Variants in KIF5C observed in about 807,000 individuals in gnomAD.
KIF5C encodes the protein kinesin family member 5C, also known as kinesin heavy chain isoform 5C.
KIF5C carries 18 observed loss-of-function variants against 125.2 expected under a neutral mutation model. That is an observed-to-expected ratio of 0.14 (90% CI 0.10 to 0.21). KIF5C has a LOEUF of 0.21. Among genes scored for constraint, KIF5C ranks in the 10% least tolerant of loss-of-function variants. KIF5C has a pLI of 1.00. For synonymous variants in KIF5C, 405 were observed against 434.0 expected (o/e 0.93, Z 0.83); for missense variants, 780 against 1,183.8 (o/e 0.66, Z 5.01).
intron 12 of KIF5C, among the ~76,000 whole-genome samples, chr2:148,978,350 T>TG (rs1553468518): frequency 6.7e-6 from 1 of 148,512 alleles, no homozygotes; most frequent in Non-Finnish European, 1.5e-5. Context: ...TTTTTTTTTT[T>TG]TTTTTTTTTT....
intron 3 of KIF5C, among the ~76,000 whole-genome samples, chr2:148,936,314 G>T (rs963528796): frequency 2.6e-5 from 4 of 152,126 alleles, no homozygotes; most frequent in African/African-American, 9.7e-5. Flanking sequence ...AAAAAATCTG[G>T]AAAATCTCTG....
In KIF5C at chr2:148,875,738, A is replaced by T; in HGVS notation, c.121A>T (p.Ile41Phe). 1 of 1,604,746 alleles carries T rather than the reference A, an allele frequency of 6.2e-7. No homozygotes were observed. The highest frequency in any genetic ancestry group is 1.1e-5 in the South Asian group (1 of 88,778). Residue 41 changes from isoleucine (I) to phenylalanine (F), a missense_variant, in exon 1 of 26, where the codon ATC becomes TTC. By Grantham distance (21) the Ile-to-Phe change is conservative. Transcript: ENST00000435030. ...PKFKGDETVV[I>F]GQGKPYVFDR... ...ATTTAAAGGCGATGAGACCGTGGTGATCGGGGTAAGTGGCTGGGGCGTCTG... is the reference window on the plus strand; with the variant it reads ...ATTTAAAGGCGATGAGACCGTGGTGTTCGGGGTAAGTGGCTGGGGCGTCTG...
At chr2:148,970,758 G>T (rs184396576) in intron 11 of KIF5C, among the ~76,000 whole-genome samples, 1 of 152,288 alleles carries the variant, frequency 6.6e-6, no homozygotes, top group East Asian at 1.9e-4. Context: ...GGTTATAGAA[G>T]TCTATCCCCG....
chr2:148,986,413 G>A (rs1681382374), intron 15 of KIF5C, among the ~76,000 whole-genome samples: 1 of 152,110 alleles, frequency 6.6e-6, no homozygotes, highest in Non-Finnish European at 1.5e-5. Context: ...AGCTAAGGGA[G>A]TAGTTGTATG....
At chr2:148,942,129 C>A in intron 6 of KIF5C, 139 bp downstream of exon 6, 1 of 953,014 alleles carries the variant, frequency 1.0e-6, no homozygotes, top group Non-Finnish European at 1.5e-6. Context: ...TAATATTCAT[C>A]TGGTTTTAAA....
chr2:148,993,083 T>C (rs764799765), intron 16 of KIF5C, among the ~76,000 whole-genome samples: 4 of 152,170 alleles, frequency 2.6e-5, no homozygotes, highest in Non-Finnish European at 5.9e-5. Context: ...GAGGAAGAGG[T>C]AGTGCCAGCC....
intron 1 of KIF5C, among the ~76,000 whole-genome samples, chr2:148,908,893 AATGAATCCGTG>A (rs1213042135): frequency 6.6e-6 from 1 of 152,244 alleles, no homozygotes; most frequent in Admixed American, 6.5e-5. Context: ...AATAAGATGG[AATGAATCCGTG>A]ATGTTATCTA....
At chr2:148,898,387 G>A (rs533163154) in intron 1 of KIF5C, among the ~76,000 whole-genome samples, 1 of 152,150 alleles carries the variant, frequency 6.6e-6, no homozygotes, top group South Asian at 2.1e-4. Flanking sequence ...GCAGAATAAT[G>A]GCCCTGAAAG....
At chr2:148,901,593 G>A (rs1301258351) in intron 1 of KIF5C, among the ~76,000 whole-genome samples, 3 of 152,206 alleles carry the variant, frequency 2.0e-5, no homozygotes, top group African/African-American at 4.8e-5. Flanking sequence ...TTTAAACTGA[G>A]ATATAAGATG....
At chr2:148,888,995 C>T (rs1681634643) in intron 1 of KIF5C, among the ~76,000 whole-genome samples, 1 of 152,174 alleles carries the variant, frequency 6.6e-6, no homozygotes, top group Admixed American at 6.5e-5. Context: ...CTTTCCCTTA[C>T]TCTAGGTGAT....
At position 148,949,891 on chromosome 2, in the gene KIF5C, A is replaced by G. The variant is rs1331505548; in HGVS notation, c.767A>G (p.Asn256Ser). The change falls in exon 9 of 26, where the codon AAT becomes AGT. Residue 256 changes from asparagine (N) to serine (S), a missense_variant. Coordinates refer to ENST00000435030, the MANE Select transcript of KIF5C (RefSeq NM_004522.3). ...GTTCTTGACGAAGCTAAAAATATCAATAAGTCTTTGTCTGCTCTTGGAAAT... is the reference window on the plus strand; with the variant it reads ...GTTCTTGACGAAGCTAAAAATATCAGTAAGTCTTTGTCTGCTCTTGGAAAT... ...GAVLDEAKNINKSLSALGNVI... is the reference protein window; with the variant it reads ...GAVLDEAKNISKSLSALGNVI... The G allele has an allele frequency of 1.9e-6, 3 of 1,613,848 alleles. No individual in the cohort carries two copies. The highest frequency in any genetic ancestry group is 2.5e-6 in the Non-Finnish European group (3 of 1,179,840).
At position 148,924,281 on chromosome 2, in the gene KIF5C, G is replaced by GCC. The variant is rs1428853203; in HGVS notation, c.217+2056_217+2057dup. Among the ~76,000 whole-genome samples, 4 of 152,118 alleles carry GCC rather than the reference G, an allele frequency of 2.6e-5. No homozygotes were observed. Among genetic ancestry groups the GCC allele is most frequent in the African/African-American group, 9.7e-5 (4 of 41,416 alleles). Reference sequence around the variant, plus strand: ...CAAGATTGGGAGGCGGTGCTGTGGAGCCCTTTTTTTCTAGAGGCTAATAAT... The same window carrying GCC: ...CAAGATTGGGAGGCGGTGCTGTGGAGCCCCCTTTTTTTCTAGAGGCTAATAAT... On this transcript the variant is annotated intron_variant, in intron 2 of 25. Coordinates refer to ENST00000435030, the MANE Select transcript of KIF5C (RefSeq NM_004522.3). This position sits in a 1 kb window ranked among gnomAD's most constrained non-coding sequence, Gnocchi z 4.0.
chr2:149,016,040 GCA>G (rs1434285219), intron 25 of KIF5C, among the ~76,000 whole-genome samples: 3 of 152,200 alleles, frequency 2.0e-5, no homozygotes, highest in African/African-American at 7.2e-5. Flanking sequence ...AAAATGCCAG[GCA>G]CACAGCAACC....
At chr2:148,987,118 G>C (rs1446899646) in intron 15 of KIF5C, among the ~76,000 whole-genome samples, 1 of 152,194 alleles carries the variant, frequency 6.6e-6, no homozygotes, top group Non-Finnish European at 1.5e-5. Flanking sequence ...GAAGCACTTT[G>C]AGGATGGGAA....
chr2:148,990,999 T>A lies in KIF5C; in HGVS notation c.1717-11T>A. Reference sequence around the variant, plus strand: ...TGGGCAACATTTGAGTGTGTCCCCTTCTTTGCTCAGTTGGCAGATGTGAAT... The same window carrying A: ...TGGGCAACATTTGAGTGTGTCCCCTACTTTGCTCAGTTGGCAGATGTGAAT... On this transcript the variant is annotated splice_polypyrimidine_tract_variant and intron_variant, in intron 15 of 25. Coordinates refer to ENST00000435030, the MANE Select transcript of KIF5C (RefSeq NM_004522.3). The A allele has an allele frequency of 6.2e-7, 1 of 1,611,176 alleles. No individual in the cohort carries two copies.
chr2:148,948,356 CA>C (rs1158381843), intron 8 of KIF5C, among the ~76,000 whole-genome samples: 9,184 of 78,098 alleles, frequency 0.12, 263 homozygotes, highest in Middle Eastern at 0.3. Flanking sequence ...GACTCTGTCT[CA>C]AAAAAAAAAA....
chr2:148,938,947 T>G (rs895638947), intron 4 of KIF5C, among the ~76,000 whole-genome samples: 6 of 150,134 alleles, frequency 4.0e-5, no homozygotes, highest in African/African-American at 1.2e-4. Context: ...ACAAAAAAAG[T>G]AGCCAGGCAT....
At chr2:149,000,042 A>G (rs1172286310) in intron 19 of KIF5C, 3 of 172,238 alleles carry the variant, frequency 1.7e-5, no homozygotes, top group Non-Finnish European at 3.7e-5. Context: ...GGAAGGTGGA[A>G]ATGGCCAAAT....
intron 1 of KIF5C, among the ~76,000 whole-genome samples, chr2:148,889,940 T>C (rs914296881): frequency 3.3e-5 from 5 of 152,180 alleles, no homozygotes; most frequent in Admixed American, 1.3e-4. Context: ...GGGCCCCCTT[T>C]CTGGGTGTGT....
Sources: gnomAD v4.1 joint callset for allele counts (sites outside exome capture counted in the v4.1 genomes callset) on GRCh38, gnomAD v4.1.1 for gene constraint, Gnocchi (gnomAD v3.1) non-coding constraint, MANE v1.5 for transcripts, NCBI Gene and HGNC (gene_info 2026-07-23, HGNC 2026-07-21) for gene names.